The following SLC38A3 variants were observed in gnomAD, a reference collection of about 807,000 sequenced individuals.
The protein encoded by SLC38A3 is sodium-coupled neutral amino acid transporter 3.
A neutral mutation model predicts 59.5 loss-of-function variants in SLC38A3; 17 were observed. The observed-to-expected ratio is 0.29, with a 90% CI of 0.20 to 0.43. The LOEUF (loss-of-function observed/expected upper bound fraction) is 0.43. Among genes scored for constraint, SLC38A3 ranks in the 20% least tolerant of loss-of-function variants. SLC38A3 has a pLI of 1.00. For missense variants in SLC38A3, 454 were observed against 653.9 expected (o/e 0.69, Z 3.33); for synonymous variants, 238 against 260.3 (o/e 0.91, Z 0.82).
Position 50,220,480 on chromosome 3 carries a change from G to T in SLC38A3, c.*303G>T, listed in dbSNP as rs1047913633. The T allele has an allele frequency of 7.9e-6, 3 of 377,792 alleles. No homozygotes were observed. The highest frequency in any genetic ancestry group is 4.9e-6 in the Non-Finnish European group (1 of 202,676). 23.4% of individuals were successfully genotyped at this position (377,792 alleles called of 1,614,324 possible). ...CCTCCTTGCACAGATGCATACACTG[G>T]GGCCCAGCAGCTGCCTCCTGAGGTG... On this transcript the variant is annotated 3_prime_UTR_variant, in exon 16 of 16. Transcript: ENST00000614032.
At position 50,215,537 on chromosome 3, in the gene SLC38A3, C is replaced by T; in HGVS notation, c.374-7C>T. ...AAGCTCCTGACTTCTTGACCCTGCT[C>T]CTGCAGGCATCCGTGCCTATGAGCA... is the stretch of plus-strand genomic sequence containing the variant. On this transcript the variant is annotated splice_polypyrimidine_tract_variant and splice_region_variant and intron_variant, in intron 5 of 15. Coordinates refer to ENST00000614032, the MANE Select transcript of SLC38A3 (RefSeq NM_006841.6). This position sits in a 1 kb window ranked among gnomAD's most constrained non-coding sequence, Gnocchi z 7.1. 2.5e-6 allele frequency: 4 copies of T among 1,613,864 alleles called. No homozygotes were observed. Among genetic ancestry groups the T allele is most frequent in the Non-Finnish European group, 3.4e-6 (4 of 1,179,840 alleles).
rs1221187476 is a variant in SLC38A3 at position 50,218,598 on chromosome 3, G to T, written c.1042G>T (p.Val348Leu). Reference protein sequence around the residue: ...LFGYLTFYNGVESELLHTYSK... With the variant: ...LFGYLTFYNGLESELLHTYSK... Reference sequence around the variant, plus strand: ...ACCCTCCCTGCCTGCCACAGACGGGGTGGAGTCGGAGCTGCTGCACACCTA... The same window carrying T: ...ACCCTCCCTGCCTGCCACAGACGGGTTGGAGTCGGAGCTGCTGCACACCTA... Residue 348 changes from valine to leucine, a missense_variant, in exon 13 of 16, where the codon GTG (valine) becomes TTG (leucine). Val to Leu is a conservative substitution (Grantham distance 32). Coordinates refer to ENST00000614032, the MANE Select transcript of SLC38A3 (RefSeq NM_006841.6). The surrounding 1 kb of genome is among the most constrained non-coding windows in gnomAD (Gnocchi z 5.8). 1 of 1,612,602 alleles carries T rather than the reference G, an allele frequency of 6.2e-7. No individual in the cohort carries two copies. Among genetic ancestry groups the T allele is most frequent in the Non-Finnish European group, 8.5e-7 (1 of 1,179,342 alleles).
At chr3:50,206,151 C>T (rs1429574920) in intron 1 of SLC38A3, among the ~76,000 whole-genome samples, 1 of 152,274 alleles carries the variant, frequency 6.6e-6, no homozygotes, top group Non-Finnish European at 1.5e-5. Context: ...ACAGCAAATG[C>T]GTGCGTTTGT....
At chr3:50,216,797 G>C (rs898614866) in intron 7 of SLC38A3, among the ~76,000 whole-genome samples, 2 of 140,530 alleles carry the variant, frequency 1.4e-5, no homozygotes, top group African/African-American at 6.1e-5. Flanking sequence ...TTGTGAGACG[G>C]AGTCTCGCTC....
chr3:50,207,228 G>A (rs1464847114), intron 1 of SLC38A3: 2 of 152,300 alleles, frequency 1.3e-5, no homozygotes, highest in Non-Finnish European at 2.9e-5. Context: ...ATGTTTTAGT[G>A]TAGACATGGC....
intron 1 of SLC38A3, among the ~76,000 whole-genome samples, chr3:50,208,421 C>G (rs964072827): frequency 2.0e-5 from 3 of 152,266 alleles, no homozygotes; most frequent in Middle Eastern, 6.8e-3. Flanking sequence ...TGCCACCATG[C>G]CTGGATAATT....
At chr3:50,211,478 CTCTT>C (rs1002536760) in intron 1 of SLC38A3, among the ~76,000 whole-genome samples, 12 of 150,294 alleles carry the variant, frequency 8.0e-5, no homozygotes, top group African/African-American at 2.9e-4. Flanking sequence ...GCCTGGTACA[CTCTT>C]TCCTGTTTGA....
At position 50,214,166 on chromosome 3, in the gene SLC38A3, T is replaced by G; in HGVS notation, c.-34T>G. Reference sequence around the variant, plus strand: ...CTCTGCAGACATCTGACTGTTGGTGTGAGACCAGTGCTCCTGGTGGTGTGC... The same window carrying G: ...CTCTGCAGACATCTGACTGTTGGTGGGAGACCAGTGCTCCTGGTGGTGTGC... On this transcript the variant is annotated 5_prime_UTR_variant, in exon 2 of 16. Coordinates refer to ENST00000614032, the MANE Select transcript of SLC38A3 (RefSeq NM_006841.6). This position sits in a 1 kb window ranked among gnomAD's most constrained non-coding sequence, Gnocchi z 6.0. 1.9e-6 allele frequency: 3 copies of G among 1,587,256 alleles called. No individual in the cohort carries two copies. The highest frequency in any genetic ancestry group is 2.6e-6 in the Non-Finnish European group (3 of 1,158,236).
In SLC38A3 at chr3:50,217,529, T is replaced by A. The variant is rs749447884; in HGVS notation, c.690+56T>A. The A allele has an allele frequency of 3.8e-6, 6 of 1,591,354 alleles. No homozygotes were observed. Among genetic ancestry groups the A allele is most frequent in the Non-Finnish European group, 5.2e-6 (6 of 1,164,962 alleles). ...CGGGCAGCGGGTCTCCTGGGGGAGT[T>A]CCCTGTCATCAGGAGGGGGCAGGTG... On this transcript the variant is annotated intron_variant, in intron 9 of 15. Transcript: ENST00000614032. The surrounding 1 kb of genome is among the most constrained non-coding windows in gnomAD (Gnocchi z 4.9).
intron 7 of SLC38A3, among the ~76,000 whole-genome samples, chr3:50,216,506 CA>C: frequency 6.6e-6 from 1 of 152,326 alleles, no homozygotes; most frequent in East Asian, 1.9e-4. Flanking sequence ...GCCCAGATGC[CA>C]GAAGGAACCG....
rs567353930 is a variant in SLC38A3, at chr3:50,214,102, G to A, written c.-51-47G>A. 1,015 of 1,174,456 alleles carry A rather than the reference G, an allele frequency of 8.6e-4. 2 individuals carry two copies. The highest frequency in any genetic ancestry group is 5.8e-4 in the Non-Finnish European group (475 of 812,514). 72.8% of individuals were successfully genotyped at this position (1,174,456 alleles called of 1,614,324 possible). A position where few individuals can be genotyped will look rare whatever the true frequency, so the allele number is the denominator to read the frequency against. On this transcript the variant is annotated intron_variant, in intron 1 of 15. Transcript: ENST00000614032. This position sits in a 1 kb window ranked among gnomAD's most constrained non-coding sequence, Gnocchi z 6.0. ...CAGGCCTCAGGTAGGAGGCTAGGCC[G>A]TAGGCCCAAGTAACGGGGCTAACCA...
chr3:50,218,815 C>T lies in SLC38A3; in HGVS notation c.1173C>T (p.Ala391=), dbSNP rs1261388681. 1.2e-6 allele frequency: 2 copies of T among 1,608,220 alleles called. No homozygotes were observed. The highest frequency in any genetic ancestry group is 1.7e-6 in the Non-Finnish European group (2 of 1,175,062). ...VPIVLFPVRR[A]IQQMLFPNQE... ...CACCTGCCCCCCAGGTGCGCCGCGCCATCCAGCAGATGCTGTTTCCAAACC... is the reference window on the plus strand; with the variant it reads ...CACCTGCCCCCCAGGTGCGCCGCGCTATCCAGCAGATGCTGTTTCCAAACC... Residue 391 remains alanine, a synonymous_variant, in exon 14 of 16, where the codon GCC becomes GCT. Transcript: ENST00000614032. This position sits in a 1 kb window ranked among gnomAD's most constrained non-coding sequence, Gnocchi z 5.8.
At position 50,218,170 on chromosome 3, in the gene SLC38A3, G is replaced by A; in HGVS notation, c.936-100G>A. ...CAAGAAGGAGACTCCCTCAGATGCT[G>A]AATGGTGAAAGTATGGTGCCAGAGA... On this transcript the variant is annotated intron_variant, in intron 11 of 15. Transcript: ENST00000614032. This position sits in a 1 kb window ranked among gnomAD's most constrained non-coding sequence, Gnocchi z 5.8. The A allele has an allele frequency of 9.2e-7, 1 of 1,082,530 alleles. No homozygotes were observed. Among genetic ancestry groups the A allele is most frequent in the Non-Finnish European group, 1.4e-6 (1 of 707,006 alleles). The allele number at this position is 1,082,530 out of a possible 1,614,324, so 67.1% of individuals were successfully genotyped here.
chr3:50,213,513 T>C (rs1374664776), intron 1 of SLC38A3, among the ~76,000 whole-genome samples: 1 of 152,178 alleles, frequency 6.6e-6, no homozygotes, highest in Non-Finnish European at 1.5e-5. Flanking sequence ...GCATCCTGGC[T>C]CTGGGGAGGG....
rs1699854259 is a variant in SLC38A3, at chr3:50,218,499, A to G, written c.1037-94A>G. 48 of 1,584,162 alleles carry G rather than the reference A, an allele frequency of 3.0e-5. No homozygotes were observed. The highest frequency in any genetic ancestry group is 4.0e-5 in the Non-Finnish European group (46 of 1,161,376). ...CTTGCCGCTGTGGAGGTGAGTCTGC[A>G]TGCCAATCCCCACAGTGTTGGGGTC... is the stretch of plus-strand genomic sequence containing the variant. On this transcript the variant is annotated intron_variant, in intron 12 of 15. Coordinates refer to ENST00000614032, the MANE Select transcript of SLC38A3 (RefSeq NM_006841.6). The surrounding 1 kb of genome is among the most constrained non-coding windows in gnomAD (Gnocchi z 5.8).
rs1013319174 is a variant in SLC38A3, at chr3:50,214,135, C to T, written c.-51-14C>T. On this transcript the variant is annotated splice_polypyrimidine_tract_variant and intron_variant, in intron 1 of 15. Transcript: ENST00000614032. The surrounding 1 kb of genome is among the most constrained non-coding windows in gnomAD (Gnocchi z 6.0). Reference sequence around the variant, plus strand: ...AAGTAACGGGGCTAACCAGAGGGACCGGCTGCTCTGCAGACATCTGACTGT... The same window carrying T: ...AAGTAACGGGGCTAACCAGAGGGACTGGCTGCTCTGCAGACATCTGACTGT... 63 of 1,497,160 alleles carry T rather than the reference C, an allele frequency of 4.2e-5. No homozygotes were observed. The highest frequency in any genetic ancestry group is 4.4e-4 in the Middle Eastern group (2 of 4,532). 92.7% of individuals were successfully genotyped at this position (1,497,160 alleles called of 1,614,324 possible). A position where few individuals can be genotyped will look rare whatever the true frequency, so the allele number is the denominator to read the frequency against.
chr3:50,219,602 C>T (rs1343899910), intron 14 of SLC38A3, among the ~76,000 whole-genome samples: 1 of 152,214 alleles, frequency 6.6e-6, no homozygotes, highest in African/African-American at 2.4e-5. Context: ...GAGCCCAATA[C>T]CCTTAAGCCC....
chr3:50,215,683 G>GA lies in SLC38A3; in HGVS notation c.466+50dup. ...AGGCAGTAGGGAGGTGGACAGCCCT[G>GA]AAAGCTGGCTGGTTGGGCTGACCTC... On this transcript the variant is annotated intron_variant, in intron 6 of 15. Transcript: ENST00000614032. This position sits in a 1 kb window ranked among gnomAD's most constrained non-coding sequence, Gnocchi z 7.1. 1 of 1,610,326 alleles carries GA rather than the reference G, an allele frequency of 6.2e-7. No homozygotes were observed. The highest frequency in any genetic ancestry group is 1.1e-5 in the South Asian group (1 of 90,898).
In SLC38A3 at chr3:50,215,390, C is replaced by A; in HGVS notation, c.304C>A (p.Leu102Met). The change falls in exon 5 of 16, where the codon CTG becomes ATG. Residue 102 changes from leucine to methionine, a missense_variant. Physicochemically the swap from Leu to Met is conservative, Grantham distance 15 (BLOSUM62 2). Around this residue, in one of 3 missense-constraint regions of SLC38A3, gnomAD observed 390 missense variants for 557.9 expected, o/e 0.70. Coordinates refer to ENST00000614032, the MANE Select transcript of SLC38A3 (RefSeq NM_006841.6). The surrounding 1 kb of genome is among the most constrained non-coding windows in gnomAD (Gnocchi z 7.1). Reference protein sequence around the residue: ...ANTGIILFLFLLTAVALLSSY... With the variant: ...ANTGIILFLFMLTAVALLSSY... ...CATCTTCCCATGTGTCCCCAGGTTC[C>A]TGTTGACAGCTGTCGCCTTGCTCTC... 1 of 1,613,986 alleles carries A rather than the reference C, an allele frequency of 6.2e-7. No individual in the cohort carries two copies.
Sources: gnomAD v4.1 joint callset for allele counts (sites outside exome capture counted in the v4.1 genomes callset) on GRCh38, gnomAD v4.1.1 for gene constraint, gnomAD v4.1.1 regional missense constraint, Gnocchi (gnomAD v3.1) non-coding constraint, MANE v1.5 for transcripts, NCBI Gene and HGNC (gene_info 2026-07-23, HGNC 2026-07-21) for gene names.